Variants in FKBP9 observed in about 807,000 individuals in gnomAD.
The protein encoded by FKBP9 is peptidyl-prolyl cis-trans isomerase FKBP9.
Under a neutral mutation model 55.6 loss-of-function variants are expected in FKBP9, and 27 were observed. That is an observed-to-expected ratio of 0.49 (90% CI 0.36 to 0.67). The LOEUF (loss-of-function observed/expected upper bound fraction) is 0.67. FKBP9 is among the 30% of genes least tolerant of loss of function. The pLI is 0.00. For synonymous variants in FKBP9, 267 were observed against 296.5 expected, an observed-to-expected ratio of 0.90 and a Z score of 1.02; for missense variants, 539 against 742.8, an observed-to-expected ratio of 0.73 and a Z score of 3.19.
chr7:33,000,518 T>G (rs544681502), intron 8 of FKBP9, among the ~76,000 whole-genome samples: 11 of 151,894 alleles, frequency 7.2e-5, no homozygotes, highest in Non-Finnish European at 1.5e-4. Context: ...TTCAGACCCA[T>G]GTGTGGGAGG....
chr7:32,994,121 C>T (rs1013651403), intron 6 of FKBP9, among the ~76,000 whole-genome samples: 2 of 152,078 alleles, frequency 1.3e-5, no homozygotes, highest in African/African-American at 4.8e-5. Context: ...TTAAAGTTTA[C>T]AATTTAGTTG....
At chr7:33,004,227 C>T (rs1784987387) in intron 9 of FKBP9, among the ~76,000 whole-genome samples, 1 of 152,138 alleles carries the variant, frequency 6.6e-6, no homozygotes, top group Non-Finnish European at 1.5e-5. Flanking sequence ...CCGGGTCACA[C>T]ACAGCAGTGG....
chr7:33,005,135 C>T lies in FKBP9; in HGVS notation c.1537-40C>T, dbSNP rs574212961. ...CTGGCCCCAGGCCTGGCGTTCATGG[C>T]GGCTGAACTCATGGTCTTTCCTGTC... On this transcript the variant is annotated intron_variant, in intron 9 of 9. Transcript: ENST00000242209. 3.6e-5 allele frequency: 57 copies of T among 1,598,948 alleles called. No individual in the cohort carries two copies. The South Asian group carries it at 3.6e-4, about 10-fold the overall frequency.
chr7:33,006,529 C>A lies in FKBP9; in HGVS notation c.*1178C>A, dbSNP rs1352231249. On this transcript the variant is annotated 3_prime_UTR_variant, in exon 10 of 10. Coordinates refer to ENST00000242209, the MANE Select transcript of FKBP9 (RefSeq NM_007270.5). Reference sequence around the variant, plus strand: ...GGGCTGGGCCCCGCTGGTCACTCAACAGAGTATTTCCCTTGGCCGAGATGG... The same window carrying A: ...GGGCTGGGCCCCGCTGGTCACTCAAAAGAGTATTTCCCTTGGCCGAGATGG... 1 of 202,242 alleles carries A rather than the reference C, an allele frequency of 4.9e-6. No individual in the cohort carries two copies. The highest frequency in any genetic ancestry group is 1.0e-5 in the Non-Finnish European group (1 of 98,464). 12.5% of individuals were successfully genotyped at this position (202,242 alleles called of 1,614,324 possible). A position where few individuals can be genotyped will look rare whatever the true frequency, so the allele number is the denominator to read the frequency against.
At position 32,973,682 on chromosome 7, in the gene FKBP9, G is replaced by GTTT. The variant is rs745717239; in HGVS notation, c.222-911_222-909dup. On this transcript the variant is annotated intron_variant, in intron 1 of 9. Transcript: ENST00000242209. ...AGAAAATGAAATGAAGTTTTTTGTT[G>GTTT]TTTTTTTTTTTTTTTTTTTTTTTTT... is the stretch of plus-strand genomic sequence containing the variant. 7.4e-3 allele frequency among the ~76,000 whole-genome samples: 478 copies of GTTT among 64,944 alleles called. 78 individuals are homozygous for GTTT. The highest frequency in any genetic ancestry group is 8.3e-3 in the African/African-American group (150 of 17,974). 42.6% of individuals were successfully genotyped at this position (64,944 alleles called of 152,430 possible). A position where few individuals can be genotyped will look rare whatever the true frequency, so the allele number is the denominator to read the frequency against.
intron 1 of FKBP9, among the ~76,000 whole-genome samples, chr7:32,973,698 T>TTG: frequency 7.7e-6 from 1 of 130,166 alleles, no homozygotes; most frequent in East Asian, 2.2e-4. Context: ...TTTTTTTTTT[T>TTG]TTTTTTTTTT....
At position 32,988,657 on chromosome 7, in the gene FKBP9, G is replaced by A. The variant is rs1784622604; in HGVS notation, c.1039+5G>A. 9.3e-6 allele frequency: 15 copies of A among 1,613,462 alleles called. No homozygotes were observed. The East Asian group carries it at 2.5e-4, about 26-fold the overall frequency. On this transcript the variant is annotated splice_donor_5th_base_variant and intron_variant, in intron 6 of 9. Coordinates refer to ENST00000242209, the MANE Select transcript of FKBP9 (RefSeq NM_007270.5). ...GGTATGGAGAGGAAGGAAGAGGTGA[G>A]CATCAGCATCACCTGCCTTCCTCAC... is the stretch of plus-strand genomic sequence containing the variant.
Position 32,996,778 on chromosome 7 carries a change from CTTTTTTTTTT to C in FKBP9, c.1226+447_1226+456del, listed in dbSNP as rs1170596077. On this transcript the variant is annotated intron_variant, in intron 7 of 9. Coordinates refer to ENST00000242209, the MANE Select transcript of FKBP9 (RefSeq NM_007270.5). ...TTTTTTTTTTTGATAAAGTCTCACT[CTTTTTTTTTT>C]TTTTTTTTTTTTTTTTTGAGACGGA... Among the ~76,000 whole-genome samples the C allele has an allele frequency of 3.1e-4, 10 of 32,332 alleles. No homozygotes were observed. The South Asian group carries it at 3.7e-3, about 12-fold the overall frequency. 21.2% of individuals were successfully genotyped at this position (32,332 alleles called of 152,430 possible). A position where few individuals can be genotyped will look rare whatever the true frequency, so the allele number is the denominator to read the frequency against.
chr7:32,957,912 T>A, intron 1 of FKBP9, 118 bp downstream of exon 1: 1 of 769,852 alleles, frequency 1.3e-6, no homozygotes, highest in Non-Finnish European at 1.9e-6. Flanking sequence ...CGCTCCTCCC[T>A]TCTTCCGCTG....
chr7:32,957,624 G>A lies in FKBP9; in HGVS notation c.51G>A (p.Leu17=), dbSNP rs1175801314. 1 of 1,495,016 alleles carries A rather than the reference G, an allele frequency of 6.7e-7. No homozygotes were observed. Among genetic ancestry groups the A allele is most frequent in the Non-Finnish European group, 8.8e-7 (1 of 1,130,782 alleles). 92.6% of individuals were successfully genotyped at this position (1,495,016 alleles called of 1,614,324 possible). ...CGCCGCCACCGCTGCTCCTGCTGCT[G>A]CTCTGGGTGACCGGGCAGGCAGCGC... The part of the protein sequence containing the change: ...RPPPPPLLLL[L]LWVTGQAAPV... Residue 17 remains leucine, a synonymous_variant, in exon 1 of 10, where the codon CTG becomes CTA. Transcript: ENST00000242209.
chr7:33,006,212 TATTCAAGCG>T lies in FKBP9; in HGVS notation c.*866_*874del, dbSNP rs1162860624. 1.0e-5 allele frequency: 2 copies of T among 191,842 alleles called. No individual in the cohort carries two copies. Among genetic ancestry groups the T allele is most frequent in the Non-Finnish European group, 2.2e-5 (2 of 92,758 alleles). The allele number at this position is 191,842 out of a possible 1,614,324, so 11.9% of individuals were successfully genotyped here. A position where few individuals can be genotyped will look rare whatever the true frequency, so the allele number is the denominator to read the frequency against. On this transcript the variant is annotated 3_prime_UTR_variant, in exon 10 of 10. Coordinates refer to ENST00000242209, the MANE Select transcript of FKBP9 (RefSeq NM_007270.5). ...GGCTCACTGCAGCCTCCGCCTCCCG[TATTCAAGCG>T]ATTCTCCTGTCTCAGCCTCCTGAGT...
At chr7:32,976,117 T>C (rs1399705364) in intron 3 of FKBP9, among the ~76,000 whole-genome samples, 1 of 152,216 alleles carries the variant, frequency 6.6e-6, no homozygotes, top group African/African-American at 2.4e-5. Context: ...CGTGTTTGAT[T>C]AGTGGAATAG....
intron 8 of FKBP9, 115 bp downstream of exon 8, chr7:33,000,375 G>A (rs1184620661): frequency 2.7e-5 from 37 of 1,396,204 alleles, no homozygotes; most frequent in Non-Finnish European, 3.4e-5. Flanking sequence ...AATACCCAAA[G>A]AGTGTGTGGT....
chr7:32,989,568 A>G (rs1400830474), intron 6 of FKBP9, among the ~76,000 whole-genome samples: 1 of 151,022 alleles, frequency 6.6e-6, no homozygotes, highest in African/African-American at 2.4e-5. Context: ...GGCATGTGCC[A>G]CCACGCCTGG....
chr7:32,958,070 A>C (rs1046981156), intron 1 of FKBP9, among the ~76,000 whole-genome samples: 1 of 152,202 alleles, frequency 6.6e-6, no homozygotes, highest in Non-Finnish European at 1.5e-5. Flanking sequence ...CTCCCAGCGC[A>C]TGGACACACG....
intron 1 of FKBP9, among the ~76,000 whole-genome samples, chr7:32,960,406 C>T (rs1185603212): frequency 4.6e-5 from 7 of 152,150 alleles, no homozygotes; most frequent in Admixed American, 1.3e-4. Flanking sequence ...GGAGCCACCA[C>T]GCCTGGCCTG....
At chr7:32,972,808 C>T (rs1225880752) in intron 1 of FKBP9, among the ~76,000 whole-genome samples, 1 of 152,170 alleles carries the variant, frequency 6.6e-6, no homozygotes, top group Non-Finnish European at 1.5e-5. Context: ...CTGCAACCTT[C>T]ACCTCCCAGG....
chr7:33,001,573 C>A (rs1313642890), intron 8 of FKBP9, among the ~76,000 whole-genome samples: 1 of 151,680 alleles, frequency 6.6e-6, no homozygotes, highest in South Asian at 2.1e-4. Flanking sequence ...AAGACTTTTT[C>A]TGTGATATAT....
chr7:32,990,067 A>G (rs1689972294), intron 6 of FKBP9, among the ~76,000 whole-genome samples: 2 of 152,116 alleles, frequency 1.3e-5, no homozygotes, highest in Non-Finnish European at 2.9e-5. Flanking sequence ...CCTGAGCTCA[A>G]GCAATCCTCC....
Sources: allele counts gnomAD v4.1 joint callset (sites outside exome capture counted in the v4.1 genomes callset), GRCh38; gene constraint gnomAD v4.1.1; transcripts MANE v1.5; gene names NCBI Gene and HGNC (gene_info 2026-07-23, HGNC 2026-07-21).